The following MYZAP variants were observed in gnomAD, a reference collection of about 807,000 sequenced individuals.
MYZAP encodes the protein myocardial zonula adherens protein, also known as GRINL1A complex locus upstream.
In MYZAP, 66 loss-of-function variants were observed where a neutral mutation model predicts 69.4. The observed-to-expected ratio is 0.95, with a 90% CI of 0.78 to 1.17. MYZAP has a LOEUF of 1.17. Ranked by LOEUF, MYZAP falls within the 50% of genes most tolerant of loss-of-function variation. The pLI is 0.00. For synonymous variants in MYZAP, 256 were observed against 205.9 expected (o/e 1.24, Z -2.09); for missense variants, 611 against 556.2 (o/e 1.10, Z -0.99).
chr15:57,680,818 C>T (rs970488160), intron 12 of MYZAP: 8 of 152,154 alleles, frequency 5.3e-5, no homozygotes, highest in Admixed American at 2.6e-4. Context: ...CTTATATTTT[C>T]GTATTTCTTT....
At chr15:57,597,442 T>C (rs879836243) in intron 1 of MYZAP, among the ~76,000 whole-genome samples, 2 of 152,198 alleles carry the variant, frequency 1.3e-5, no homozygotes, top group Non-Finnish European at 2.9e-5. Context: ...TCTATAGCTT[T>C]CTTGGAAATG....
intron 12 of MYZAP, among the ~76,000 whole-genome samples, chr15:57,683,498 CA>C (rs1330773648): frequency 6.6e-6 from 1 of 152,166 alleles, no homozygotes; most frequent in Non-Finnish European, 1.5e-5. Flanking sequence ...CCCTTGAATG[CA>C]TGTTTCATAT....
Position 57,639,533 on chromosome 15 carries a change from G to C in MYZAP, c.1107G>C (p.Gln369His). The change falls in exon 10 of 13, where the codon CAG becomes CAC. Residue 369 changes from glutamine (Q) to histidine (H), a missense_variant. By Grantham distance (24) the Gln-to-His change is conservative. Transcript: ENST00000267853. ...MVHCQQKKVK[Q>H]MVEEIESLKK... ...ATTGCCAGCAGAAGAAAGTCAAGCA[G>C]ATGGTCGAGGAGGTAAGCATCTGCA... 1 of 1,613,858 alleles carries C rather than the reference G, an allele frequency of 6.2e-7. No homozygotes were observed. Among genetic ancestry groups the C allele is most frequent in the Non-Finnish European group, 8.5e-7 (1 of 1,179,918 alleles).
Position 57,675,023 on chromosome 15 carries a change from A to C in MYZAP, c.1259A>C (p.Glu420Ala). 1 of 1,613,740 alleles carries C rather than the reference A, an allele frequency of 6.2e-7. No homozygotes were observed. ...DYLTETQAKT[E>A]VETREIGVGC... ...TTAACAGAAACCCAGGCCAAGACCGAAGTGGAAACCAGAGAGATAGGAGTG... is the reference window on the plus strand; with the variant it reads ...TTAACAGAAACCCAGGCCAAGACCGCAGTGGAAACCAGAGAGATAGGAGTG... The change falls in exon 12 of 13, where the codon GAA becomes GCA. Residue 420 changes from glutamate to alanine, a missense_variant. By Grantham distance (107) the Glu-to-Ala change is moderately radical (BLOSUM62 -1). Transcript: ENST00000267853.
chr15:57,647,174 G>A (rs2037486804), intron 10 of MYZAP: 2 of 985,298 alleles, frequency 2.0e-6, no homozygotes, highest in Non-Finnish European at 2.4e-6. Context: ...CTTTCATTTA[G>A]ATGCTTCTAC....
chr15:57,650,284 G>T (rs1315075194), intron 10 of MYZAP, among the ~76,000 whole-genome samples: 1 of 152,130 alleles, frequency 6.6e-6, no homozygotes, highest in East Asian at 1.9e-4. Context: ...TTAAGAGTGG[G>T]AATAAGGATG....
chr15:57,662,663 A>G (rs1383179320), intron 11 of MYZAP, among the ~76,000 whole-genome samples: 2 of 152,220 alleles, frequency 1.3e-5, no homozygotes, highest in Middle Eastern at 3.2e-3. Flanking sequence ...CTTTATTAAA[A>G]GGGACACCCT....
At chr15:57,600,712 T>C (rs2034354514) in intron 1 of MYZAP, among the ~76,000 whole-genome samples, 1 of 152,348 alleles carries the variant, frequency 6.6e-6, no homozygotes, top group East Asian at 1.9e-4. Context: ...GTTATTTTCA[T>C]GGAAACAGGA....
Position 57,673,920 on chromosome 15 carries a change from G to T in MYZAP, c.1204-1048G>T, listed in dbSNP as rs1000680949. ...TCATTTCTAGTTATGCAAATAAACT[G>T]CTCATTGTAAAATCATTTATAAATT... is the stretch of plus-strand genomic sequence containing the variant. On this transcript the variant is annotated intron_variant, in intron 11 of 12. Transcript: ENST00000267853. Among the ~76,000 whole-genome samples the T allele has an allele frequency of 3.9e-5, 6 of 152,250 alleles. No individual in the cohort carries two copies. The East Asian group carries it at 5.8e-4, about 15-fold the overall frequency.
intron 1 of MYZAP, among the ~76,000 whole-genome samples, chr15:57,602,796 A>C (rs2034500977): frequency 6.6e-6 from 1 of 152,214 alleles, no homozygotes; most frequent in Non-Finnish European, 1.5e-5. Context: ...AAAATGGGGC[A>C]GGTAAGAGAA....
chr15:57,604,806 A>G (rs1429130823), intron 2 of MYZAP, among the ~76,000 whole-genome samples: 1 of 152,232 alleles, frequency 6.6e-6, no homozygotes, highest in African/African-American at 2.4e-5. Flanking sequence ...GTGCAGGGAA[A>G]GGGCACTTTC....
intron 4 of MYZAP, 123 bp from the exon 5 acceptor site, chr15:57,625,656 G>A (rs1595882027): frequency 1.2e-6 from 1 of 841,534 alleles, no homozygotes; most frequent in Non-Finnish European, 1.9e-6. Flanking sequence ...TTAATTTAAA[G>A]CTTTACTTTA....
Position 57,642,038 on chromosome 15 carries a change from G to C in MYZAP, c.1119+2493G>C, listed in dbSNP as rs549702447. On this transcript the variant is annotated intron_variant, in intron 10 of 12. Coordinates refer to ENST00000267853, the MANE Select transcript of MYZAP (RefSeq NM_001018100.5). ...AGAACCACTGGGTGACACTTTCAAA[G>C]AGGCAAATTGCAGCTCTTCATTCAC... is the stretch of plus-strand genomic sequence containing the variant. 2.0e-5 allele frequency among the ~76,000 whole-genome samples: 3 copies of C among 152,322 alleles called. No homozygotes were observed. The South Asian group carries it at 6.2e-4, about 32-fold the overall frequency.
intron 1 of MYZAP, among the ~76,000 whole-genome samples, chr15:57,597,478 G>A (rs1182182307): frequency 1.3e-5 from 2 of 152,328 alleles, no homozygotes; most frequent in East Asian, 3.9e-4. Flanking sequence ...CAGTGTTGCA[G>A]AAAGGTCCCT....
intron 1 of MYZAP, among the ~76,000 whole-genome samples, chr15:57,596,549 A>G (rs1049287911): frequency 1.3e-5 from 2 of 152,144 alleles, no homozygotes; most frequent in African/African-American, 4.8e-5. Context: ...CTAAGTGTCA[A>G]CCACACTCCT....
chr15:57,595,806 G>C (rs1431268045), intron 1 of MYZAP, among the ~76,000 whole-genome samples: 2 of 152,180 alleles, frequency 1.3e-5, no homozygotes, highest in African/African-American at 4.8e-5. Flanking sequence ...CTATCTCCTA[G>C]CCTGCCCTTG....
At position 57,684,495 on chromosome 15, in the gene MYZAP, T is replaced by G. The variant is rs1189194715; in HGVS notation, c.1398T>G (p.Thr466=). Residue 466 remains threonine, a synonymous_variant, in exon 13 of 13, where the codon ACT becomes ACG. Transcript: ENST00000267853. ...VLELTMKKTL[T] is the part of the protein sequence containing the mutation. ...AGTTAACCATGAAGAAAACTCTGAC[T>G]TAGGCACTCAGAGGCATACACTTTT... is the stretch of plus-strand genomic sequence containing the variant. 1 of 1,602,688 alleles carries G rather than the reference T, an allele frequency of 6.2e-7. No homozygotes were observed. Among genetic ancestry groups the G allele is most frequent in the Non-Finnish European group, 8.5e-7 (1 of 1,170,878 alleles).
Position 57,633,725 on chromosome 15 carries a change from T to C in MYZAP, c.917T>C (p.Ile306Thr), listed in dbSNP as rs1262219791. 1.9e-6 allele frequency: 3 copies of C among 1,608,856 alleles called. No individual in the cohort carries two copies. The highest frequency in any genetic ancestry group is 2.2e-5 in the East Asian group (1 of 44,654). The change falls in exon 8 of 13, where the codon ATT becomes ACT. Residue 306 changes from isoleucine (I) to threonine (T), a missense_variant. Transcript: ENST00000267853. ...AGGATCGGGGAGCTGGACAGGCTGATTGAGCGCATGGAAAAGGTAGGACAC... is the reference window on the plus strand; with the variant it reads ...AGGATCGGGGAGCTGGACAGGCTGACTGAGCGCATGGAAAAGGTAGGACAC... ...DQRIGELDRL[I>T]ERMEKERHQL...
intron 2 of MYZAP, among the ~76,000 whole-genome samples, chr15:57,607,378 C>T (rs564235809): frequency 1.6e-4 from 24 of 152,210 alleles, no homozygotes; most frequent in African/African-American, 2.4e-4. Context: ...TTAGCTGTGT[C>T]AACTGGAGTC....
Sources: allele counts gnomAD v4.1 joint callset (sites outside exome capture counted in the v4.1 genomes callset), GRCh38; gene constraint gnomAD v4.1.1; transcripts MANE v1.5; gene names NCBI Gene and HGNC (gene_info 2026-07-23, HGNC 2026-07-21).